NSUN3: variants seen among roughly 807,000 people sequenced by gnomAD.
NSUN3 encodes the protein NOP2/Sun RNA methyltransferase 3, also known as tRNA (cytosine(34)-C(5))-methyltransferase, mitochondrial.
A neutral mutation model predicts 36.8 loss-of-function variants in NSUN3; 24 were observed. The observed-to-expected ratio is 0.65, with a 90% CI of 0.47 to 0.92. NSUN3 has a LOEUF of 0.92. Among genes scored for constraint, NSUN3 ranks in the 40% least tolerant of loss-of-function variants. The probability of loss-of-function intolerance (pLI) is 0.00; values close to 1 mark genes in which losing one functional copy is unlikely to be tolerated. For synonymous variants in NSUN3, 146 were observed against 145.2 expected, an observed-to-expected ratio of 1.01 and a Z score of -0.04; for missense variants, 381 against 392.8, an observed-to-expected ratio of 0.97 and a Z score of 0.25.
intron 3 of NSUN3, among the ~76,000 whole-genome samples, chr3:94,092,710 C>G (rs542520607): frequency 2.9e-4 from 44 of 151,778 alleles, no homozygotes; most frequent in Non-Finnish European, 6.0e-4. Context: ...TCCAGACCAG[C>G]CTGGCCAACA....
intron 5 of NSUN3, among the ~76,000 whole-genome samples, chr3:94,098,147 C>G (rs1009330750): frequency 1.3e-5 from 2 of 152,106 alleles, no homozygotes; most frequent in Non-Finnish European, 2.9e-5. Context: ...GCCACGCCAC[C>G]ATATATTTGC....
intron 5 of NSUN3, among the ~76,000 whole-genome samples, chr3:94,111,607 C>CT (rs1560040240): frequency 1.3e-5 from 2 of 151,694 alleles, no homozygotes; most frequent in Admixed American, 1.3e-4. Flanking sequence ...TGTTGTTAAA[C>CT]TTTTTTGTTA....
rs546145593 is a variant in NSUN3, at chr3:94,086,116, A to G, written c.466+1666A>G. Among the ~76,000 whole-genome samples the G allele has an allele frequency of 5.9e-5, 9 of 151,876 alleles. No homozygotes were observed. The South Asian group carries it at 1.9e-3, about 32-fold the overall frequency. On this transcript the variant is annotated intron_variant, in intron 3 of 5. Coordinates refer to ENST00000314622, the MANE Select transcript of NSUN3 (RefSeq NM_022072.5). The stretch of plus-strand genomic sequence containing the variant: ...CCACCACCATACCTGGCTAATTTTT[A>G]TATTTTTAATAGAGATGGGGTTTCA...
intron 2 of NSUN3, among the ~76,000 whole-genome samples, chr3:94,074,771 C>G (rs192559601): frequency 1.3e-5 from 2 of 152,310 alleles, no homozygotes; most frequent in Admixed American, 1.3e-4. Context: ...TTGACTTCCT[C>G]TCTTCCTATT....
chr3:94,108,733 G>A (rs1490102505), intron 5 of NSUN3, among the ~76,000 whole-genome samples: 1 of 151,732 alleles, frequency 6.6e-6, no homozygotes, highest in Non-Finnish European at 1.5e-5. Context: ...ATCTCAGCTT[G>A]CTGCTCACTA....
At chr3:94,070,396 G>C (rs903773976) in intron 2 of NSUN3, among the ~76,000 whole-genome samples, 1 of 152,130 alleles carries the variant, frequency 6.6e-6, no homozygotes, top group African/African-American at 2.4e-5. Context: ...AGGAGGTCGA[G>C]GCTTCACTGA....
chr3:94,129,961 G>A lies in NSUN3; in HGVS notation c.*3471G>A, dbSNP rs1220364137. Reference sequence around the variant, plus strand: ...AGTAAAGATGGGGTTCCACCATCTTGGCCAGGTTGATCTTGAACTCCTGAC... The same window carrying A: ...AGTAAAGATGGGGTTCCACCATCTTAGCCAGGTTGATCTTGAACTCCTGAC... On this transcript the variant is annotated 3_prime_UTR_variant, in exon 6 of 6. Transcript: ENST00000314622. Among the ~76,000 whole-genome samples, 1 of 151,724 alleles carries A rather than the reference G, an allele frequency of 6.6e-6. No individual in the cohort carries two copies. Among genetic ancestry groups the A allele is most frequent in the Non-Finnish European group, 1.5e-5 (1 of 67,940 alleles).
intron 2 of NSUN3, among the ~76,000 whole-genome samples, chr3:94,074,500 T>C (rs2077238654): frequency 6.6e-6 from 1 of 152,234 alleles, no homozygotes; most frequent in East Asian, 1.9e-4. Context: ...TTTGTAGTTC[T>C]CCTTGAAGAG....
At chr3:94,067,312 CTA>C (rs1483411240) in intron 2 of NSUN3, among the ~76,000 whole-genome samples, 3 of 152,216 alleles carry the variant, frequency 2.0e-5, no homozygotes, top group Non-Finnish European at 4.4e-5. Context: ...GAATTCTGCA[CTA>C]TGAGTCTCTT....
At chr3:94,063,227 G>A (rs1352925841) in intron 1 of NSUN3, 89 bp downstream of exon 1, 2 of 1,283,888 alleles carry the variant, frequency 1.6e-6, no homozygotes, top group Non-Finnish European at 2.3e-6. Flanking sequence ...CTGGGATGGG[G>A]GAACATCACC....
At chr3:94,073,985 A>G (rs2077236553) in intron 2 of NSUN3, among the ~76,000 whole-genome samples, 1 of 152,212 alleles carries the variant, frequency 6.6e-6, no homozygotes, top group Non-Finnish European at 1.5e-5. Flanking sequence ...TATAAGGTGT[A>G]AGGAAGGGGT....
At chr3:94,107,277 TTTG>T (rs995952226) in intron 5 of NSUN3, among the ~76,000 whole-genome samples, 4 of 152,010 alleles carry the variant, frequency 2.6e-5, no homozygotes, top group African/African-American at 7.2e-5. Flanking sequence ...ATATATATGT[TTTG>T]TTGTTGTTGT....
rs1407749219 is a variant in NSUN3 at position 94,130,692 on chromosome 3, C to T, written c.*4202C>T. Among the ~76,000 whole-genome samples, 2 of 152,182 alleles carry T rather than the reference C, an allele frequency of 1.3e-5. No individual in the cohort carries two copies. The highest frequency in any genetic ancestry group is 2.9e-5 in the Non-Finnish European group (2 of 68,038). On this transcript the variant is annotated 3_prime_UTR_variant, in exon 6 of 6. Coordinates refer to ENST00000314622, the MANE Select transcript of NSUN3 (RefSeq NM_022072.5). Reference sequence around the variant, plus strand: ...GGGACTTCGGCCTCTGGGGCTTCCACACTCTGGGTGTCAGGGGTACAGCTC... The same window carrying T: ...GGGACTTCGGCCTCTGGGGCTTCCATACTCTGGGTGTCAGGGGTACAGCTC...
At chr3:94,112,140 GC>G (rs1329696345) in intron 5 of NSUN3, among the ~76,000 whole-genome samples, 4 of 152,124 alleles carry the variant, frequency 2.6e-5, no homozygotes, top group Non-Finnish European at 5.9e-5. Flanking sequence ...ACTGACTGAA[GC>G]CCACCCACAT....
chr3:94,064,404 C>A, intron 1 of NSUN3, 33 bp from the exon 2 acceptor site: 2 of 1,302,364 alleles, frequency 1.5e-6, no homozygotes, highest in Non-Finnish European at 2.2e-6. Context: ...TGTAATATCA[C>A]TGTGTGTCAG....
chr3:94,123,396 C>A (rs986593604), intron 5 of NSUN3, among the ~76,000 whole-genome samples: 1 of 152,178 alleles, frequency 6.6e-6, no homozygotes, highest in African/African-American at 2.4e-5. Flanking sequence ...TATGAGTTGG[C>A]TGCAAATAGA....
At chr3:94,079,312 C>T (rs553847643) in intron 2 of NSUN3, among the ~76,000 whole-genome samples, 108 of 152,272 alleles carry the variant, frequency 7.1e-4, no homozygotes, top group African/African-American at 2.3e-3. Context: ...TAGTCTGATG[C>T]GCTTCCCTTT....
At chr3:94,097,133 T>C (rs1025052223) in intron 5 of NSUN3, among the ~76,000 whole-genome samples, 1 of 152,096 alleles carries the variant, frequency 6.6e-6, no homozygotes, top group Non-Finnish European at 1.5e-5. Flanking sequence ...ATTTTTAAAA[T>C]TTTTAGAATT....
At chr3:94,105,163 G>A (rs999468093) in intron 5 of NSUN3, among the ~76,000 whole-genome samples, 8 of 152,308 alleles carry the variant, frequency 5.3e-5, no homozygotes, top group African/African-American at 1.7e-4. Flanking sequence ...GAAAAGGTGC[G>A]TCTTTGTCAC....
Sources: allele counts gnomAD v4.1 joint callset (sites outside exome capture counted in the v4.1 genomes callset), GRCh38; gene constraint gnomAD v4.1.1; transcripts MANE v1.5; gene names NCBI Gene and HGNC (gene_info 2026-07-23, HGNC 2026-07-21).